AFAP1L2: variants seen among roughly 807,000 people sequenced by gnomAD.
AFAP1L2 encodes actin filament associated protein 1 like 2.
AFAP1L2 carries 46 observed loss-of-function variants against 99.3 expected under a neutral mutation model. The observed-to-expected ratio is 0.46, with a 90% CI of 0.37 to 0.59. The LOEUF is 0.59. AFAP1L2 is among the 20% of genes least tolerant of loss of function. AFAP1L2 has a pLI of 0.00. For synonymous variants in AFAP1L2, 397 were observed against 419.1 expected (o/e 0.95, Z 0.64); for missense variants, 959 against 1,034.9 (o/e 0.93, Z 1.01).
intron 1 of AFAP1L2, among the ~76,000 whole-genome samples, chr10:114,389,503 C>T (rs2056891984): frequency 6.6e-6 from 1 of 152,210 alleles, no homozygotes; most frequent in Admixed American, 6.5e-5. Flanking sequence ...AAATCTAATT[C>T]CACTGCATTT....
chr10:114,400,601 TC>T (rs372482704), intron 1 of AFAP1L2, among the ~76,000 whole-genome samples: 3,591 of 152,204 alleles, frequency 0.024, 143 homozygotes, highest in African/African-American at 0.082. Flanking sequence ...CGTGTGAGTA[TC>T]GGGGGGGCAT....
chr10:114,351,316 C>T (rs1234037126), intron 1 of AFAP1L2, among the ~76,000 whole-genome samples: 3 of 152,090 alleles, frequency 2.0e-5, no homozygotes, highest in African/African-American at 7.2e-5. Flanking sequence ...CATTTGGAGC[C>T]GTAAATCTAA....
the AFAP1L2 span, among the ~76,000 whole-genome samples, chr10:114,282,074 A>G: frequency 7.4e-6 from 1 of 134,858 alleles, no homozygotes; most frequent in African/African-American, 2.8e-5. Context: ...CAGTTGTGCA[A>G]TCTCGGCTCA....
intron 8 of AFAP1L2, among the ~76,000 whole-genome samples, chr10:114,309,628 C>CG (rs1554886218): frequency 6.6e-6 from 1 of 152,006 alleles, no homozygotes; most frequent in Non-Finnish European, 1.5e-5. Flanking sequence ...TAAAGCTCCC[C>CG]GAAAGCACCA....
In AFAP1L2 at chr10:114,308,420, C is replaced by A; in HGVS notation, c.967+13G>T. 6.2e-7 allele frequency: 1 copy of A among 1,611,982 alleles called. No individual in the cohort carries two copies. Among genetic ancestry groups the A allele is most frequent in the Non-Finnish European group, 8.5e-7 (1 of 1,178,086 alleles). On this transcript the variant is annotated intron_variant, in intron 9 of 18. Coordinates refer to ENST00000304129, the MANE Select transcript of AFAP1L2 (RefSeq NM_001001936.3). ...CCTGGGACACCATTCCCCTCCCAAC[C>A]ACATGATGTTACCGTCTTTGGTTTC... is the stretch of plus-strand genomic sequence containing the variant.
At chr10:114,315,996 T>G (rs368481466) in intron 5 of AFAP1L2, among the ~76,000 whole-genome samples, 1 of 152,134 alleles carries the variant, frequency 6.6e-6, no homozygotes, top group East Asian at 1.9e-4. Context: ...AAAACACAAA[T>G]AACTGAAAAC....
rs750833479 is a variant in AFAP1L2 at position 114,340,656 on chromosome 10, A to G, written c.92T>C (p.Leu31Pro). ...CTCCGCCAGGCAGCTCTTCTTCACCAGTGCTGTGCTGCTCAGGTTCTCCTG... is the reference window on the plus strand; with the variant it reads ...CTCCGCCAGGCAGCTCTTCTTCACCGGTGCTGTGCTGCTCAGGTTCTCCTG... Reference protein sequence around the residue: ...LDQENLSSTALVKKSCLAELL... With the variant: ...LDQENLSSTAPVKKSCLAELL... The change falls in exon 2 of 19, where the codon CTG becomes CCG. Residue 31 changes from leucine (L) to proline (P), a missense_variant. Leu to Pro is a moderately conservative substitution (Grantham distance 98). This residue lies in a region of AFAP1L2 where 383 missense variants were observed against 472.8 expected (regional missense o/e 0.81). Transcript: ENST00000304129. The G allele has an allele frequency of 3.1e-6, 5 of 1,614,194 alleles. No homozygotes were observed. Among genetic ancestry groups the G allele is most frequent in the Non-Finnish European group, 4.2e-6 (5 of 1,180,028 alleles).
At chr10:114,310,952 G>GCCAT (rs1554887400) in intron 7 of AFAP1L2, among the ~76,000 whole-genome samples, 7 of 133,834 alleles carry the variant, frequency 5.2e-5, no homozygotes, top group African/African-American at 2.0e-4. Context: ...CTCGCCTGCC[G>GCCAT]CCACCCACCC....
chr10:114,369,983 G>A (rs1372991513), intron 1 of AFAP1L2, among the ~76,000 whole-genome samples: 1 of 152,068 alleles, frequency 6.6e-6, no homozygotes, highest in African/African-American at 2.4e-5. Context: ...CTGGAGTTGA[G>A]ATACCCAGTT....
intron 1 of AFAP1L2, among the ~76,000 whole-genome samples, chr10:114,344,652 G>C (rs914850331): frequency 4.6e-5 from 7 of 152,230 alleles, no homozygotes; most frequent in Admixed American, 2.0e-4. Context: ...AGTGAACCCA[G>C]GGTGAGAAGA....
chr10:114,378,201 C>T (rs1294614978), intron 1 of AFAP1L2, among the ~76,000 whole-genome samples: 2 of 152,160 alleles, frequency 1.3e-5, no homozygotes, highest in African/African-American at 4.8e-5. Flanking sequence ...TTTTCCGCTT[C>T]AATGCTAAGC....
chr10:114,325,391 C>G (rs945140765), intron 4 of AFAP1L2, among the ~76,000 whole-genome samples: 4 of 152,146 alleles, frequency 2.6e-5, no homozygotes, highest in Non-Finnish European at 5.9e-5. Flanking sequence ...CGAAGAGGAT[C>G]GACCCTGTCG....
the AFAP1L2 span, among the ~76,000 whole-genome samples, chr10:114,284,459 G>A: frequency 7.4e-4 from 113 of 152,314 alleles, 1 homozygote; most frequent in African/African-American, 2.7e-3. Flanking sequence ...TCCGAAGGCT[G>A]GTGTGTTTTG....
chr10:114,374,212 G>A (rs1377839819), intron 1 of AFAP1L2, among the ~76,000 whole-genome samples: 1 of 151,992 alleles, frequency 6.6e-6, no homozygotes, highest in Non-Finnish European at 1.5e-5. Flanking sequence ...CAGGCAACGC[G>A]ACCCCAAACA....
At chr10:114,290,499 G>A (rs1020054749), downstream of AFAP1L2, 214 of 1,264,710 alleles carry the variant, frequency 1.7e-4, no homozygotes, top group Non-Finnish European at 4.9e-5. Context: ...GTTTACCCAC[G>A]AAACATTTAG....
At chr10:114,310,037 C>T (rs1213220007) in intron 8 of AFAP1L2, among the ~76,000 whole-genome samples, 1 of 152,172 alleles carries the variant, frequency 6.6e-6, no homozygotes, top group Non-Finnish European at 1.5e-5. Flanking sequence ...AAGTGATTCT[C>T]CTGCCTCAGG....
intron 5 of AFAP1L2, among the ~76,000 whole-genome samples, chr10:114,320,736 G>A (rs1030943865): frequency 2.6e-5 from 4 of 152,194 alleles, no homozygotes; most frequent in African/African-American, 9.6e-5. Flanking sequence ...TGTTTGTGTC[G>A]AGATGGAGTG....
At chr10:114,348,360 G>C (rs75081361) in intron 1 of AFAP1L2, among the ~76,000 whole-genome samples, 92 of 152,198 alleles carry the variant, frequency 6.0e-4, no homozygotes, top group African/African-American at 2.1e-3. Flanking sequence ...GTTTCTTTGT[G>C]CCTTTTATAG....
At chr10:114,296,873 A>G (rs2040312885) in intron 18 of AFAP1L2, 105 bp downstream of exon 18, 2 of 1,585,842 alleles carry the variant, frequency 1.3e-6, no homozygotes, top group South Asian at 2.3e-5. Flanking sequence ...GCCCTTGCTC[A>G]GAGCTGGTGC....
Sources: allele counts gnomAD v4.1 joint callset (sites outside exome capture counted in the v4.1 genomes callset), GRCh38; gene constraint gnomAD v4.1.1; regional missense constraint gnomAD v4.1.1; transcripts MANE v1.5; gene names NCBI Gene and HGNC (gene_info 2026-07-23, HGNC 2026-07-21).